The following CLEC18C variants were observed in gnomAD, a reference collection of about 807,000 sequenced individuals.
The protein encoded by CLEC18C is mannose receptor-like 3.
Under a neutral mutation model 27.2 loss-of-function variants are expected in CLEC18C, and 2 were observed. The observed-to-expected ratio is 0.07, with a 90% CI of 0.03 to 0.23. The LOEUF (loss-of-function observed/expected upper bound fraction) is 0.23, where lower values mean the gene tolerates loss of function less well. Among genes scored for constraint, CLEC18C ranks in the 10% least tolerant of loss-of-function variants. The probability of loss-of-function intolerance (pLI) is 1.00; values close to 1 mark genes in which losing one functional copy is unlikely to be tolerated. For missense variants in CLEC18C, 31 were observed against 269.0 expected (o/e 0.12, Z 6.19); for synonymous variants, 13 against 112.8 (o/e 0.12, Z 5.61).
Position 70,173,935 on chromosome 16 carries a change from G to A in CLEC18C, c.-123G>A, listed in dbSNP as rs2549601. ...ACTAATCTGCAGCACTGGAATGTCC[G>A]CAGGCCAATCAGCGGGGTCTCTGGG... On this transcript the variant is annotated 5_prime_UTR_variant, in exon 1 of 13. Coordinates refer to ENST00000541793, the MANE Select transcript of CLEC18C (RefSeq NM_173619.4). 1.2e-4 allele frequency: 39 copies of A among 319,532 alleles called. No individual in the cohort carries two copies. The highest frequency in any genetic ancestry group is 7.3e-4 in the African/African-American group (29 of 39,732). 19.8% of individuals were successfully genotyped at this position (319,532 alleles called of 1,614,324 possible).
At chr16:70,180,014 G>A (rs1278111944) in intron 4 of CLEC18C, among the ~76,000 whole-genome samples, 7 of 115,980 alleles carry the variant, frequency 6.0e-5, no homozygotes, top group South Asian at 5.1e-4. Flanking sequence ...CCCTTTAAAC[G>A]ATTTCAGCTG....
In CLEC18C at chr16:70,177,677, C is replaced by A. The variant is rs1319832288; in HGVS notation, c.456+197C>A. 4.4e-5 allele frequency among the ~76,000 whole-genome samples: 5 copies of A among 112,478 alleles called. 1 individual carries two copies. Among genetic ancestry groups the A allele is most frequent in the African/African-American group, 1.7e-4 (5 of 29,386 alleles). The allele number at this position is 112,478 out of a possible 152,430, so 73.8% of individuals were successfully genotyped here. A position where few individuals can be genotyped will look rare whatever the true frequency, so the allele number is the denominator to read the frequency against. On this transcript the variant is annotated intron_variant, in intron 4 of 12. Transcript: ENST00000541793. ...AGAGTGCAGTGGCGTGATCTCGGCT[C>A]ACTGCAACCTCCGCCTCCTGGACTC... is the stretch of plus-strand genomic sequence containing the variant.
intron 4 of CLEC18C, among the ~76,000 whole-genome samples, chr16:70,179,048 C>T (rs1163882557): frequency 1.1e-5 from 1 of 93,132 alleles, no homozygotes; most frequent in African/African-American, 5.6e-5. Context: ...ACTTGGGAGG[C>T]TGAGGTAGGA....
intron 2 of CLEC18C, 134 bp from the exon 3 acceptor site, chr16:70,174,813 C>T: frequency 2.2e-6 from 1 of 444,540 alleles, no homozygotes; most frequent in Non-Finnish European, 4.3e-6. Flanking sequence ...CATTGCTATG[C>T]CCCACGTCCC....
chr16:70,179,554 G>GC (rs1465791584), intron 4 of CLEC18C, among the ~76,000 whole-genome samples: 1 of 147,754 alleles, frequency 6.8e-6, no homozygotes, highest in African/African-American at 2.5e-5. Context: ...GAGCCACTGT[G>GC]CCCAGCCTTG....
rs752952890 is a variant in CLEC18C at position 70,185,951 on chromosome 16, C to G, written c.1278C>G (p.Thr426=). ...ACTGGAACAACCAGCGCTGCAAAAC[C>G]CGAAACCGTTACATCTGCCAGTTTG... is the stretch of plus-strand genomic sequence containing the variant. ...AFNWNNQRCK[T]RNRYICQFAQ... is the part of the protein sequence containing the mutation. The change falls in exon 12 of 13, where the codon ACC becomes ACG. Residue 426 remains threonine (T), a synonymous_variant. Transcript: ENST00000541793. 14 of 1,594,946 alleles carry G rather than the reference C, an allele frequency of 8.8e-6. No individual in the cohort carries two copies. The highest frequency in any genetic ancestry group is 1.2e-5 in the Non-Finnish European group (14 of 1,178,254).
intron 3 of CLEC18C, among the ~76,000 whole-genome samples, chr16:70,176,499 A>G (rs1306298102): frequency 1.3e-5 from 2 of 150,578 alleles, no homozygotes; most frequent in African/African-American, 5.0e-5. Context: ...AGGCTGACAC[A>G]AGCAGATCAC....
At chr16:70,177,556 A>G in intron 4 of CLEC18C, 76 bp downstream of exon 4, 1 of 1,318,484 alleles carries the variant, frequency 7.6e-7, no homozygotes, top group South Asian at 1.2e-5. Context: ...AGAAGAGGCT[A>G]CAGTTTGTCC....
chr16:70,176,958 G>A (rs1464295940), intron 3 of CLEC18C, among the ~76,000 whole-genome samples: 5 of 114,844 alleles, frequency 4.4e-5, no homozygotes, highest in African/African-American at 1.9e-4. Context: ...ATGACCAGAT[G>A]GGAGAAAGAC....
intron 3 of CLEC18C, among the ~76,000 whole-genome samples, chr16:70,176,455 C>T (rs1464307880): frequency 4.0e-5 from 6 of 148,466 alleles, no homozygotes; most frequent in African/African-American, 1.3e-4. Context: ...GGGCTGGGCA[C>T]GGTGGCTCAC....
chr16:70,174,172 G>A lies in CLEC18C; in HGVS notation c.-106-1G>A, dbSNP rs1290326224. 1 of 1,061,424 alleles carries A rather than the reference G, an allele frequency of 9.4e-7. No homozygotes were observed. The highest frequency in any genetic ancestry group is 1.3e-6 in the Non-Finnish European group (1 of 768,190). The allele number at this position is 1,061,424 out of a possible 1,614,324, so 65.8% of individuals were successfully genotyped here. A position where few individuals can be genotyped will look rare whatever the true frequency, so the allele number is the denominator to read the frequency against. On this transcript the variant is annotated splice_acceptor_variant, in intron 1 of 12. Coordinates refer to ENST00000541793, the MANE Select transcript of CLEC18C (RefSeq NM_173619.4). LOFTEE classifies it low-confidence loss of function (5UTR_SPLICE). ...ACCAGCCTCCCTCTTTTGTCCACCA[G>A]CCCAGCCTGACTCCTGGAGATTGTG...
chr16:70,186,097 A>G lies in CLEC18C; in HGVS notation c.1303+121A>G, dbSNP rs1033382136. 2.6e-6 allele frequency: 3 copies of G among 1,165,256 alleles called. No individual in the cohort carries two copies. In the African/African-American group the frequency reaches 6.0e-5, roughly 23 times the overall value. The allele number at this position is 1,165,256 out of a possible 1,614,324, so 72.2% of individuals were successfully genotyped here. On this transcript the variant is annotated intron_variant, in intron 12 of 12. Coordinates refer to ENST00000541793, the MANE Select transcript of CLEC18C (RefSeq NM_173619.4). ...AGAGTGGGTCTGGGCACACGGGGCC[A>G]TAGAGGATGCCCTGTTGATGGCCTT...
Position 70,174,362 on chromosome 16 carries a change from G to C in CLEC18C, c.84G>C (p.Val28=). 1 of 1,440,538 alleles carries C rather than the reference G, an allele frequency of 6.9e-7. No individual in the cohort carries two copies. The highest frequency in any genetic ancestry group is 2.4e-5 in the East Asian group (1 of 42,092). 89.2% of individuals were successfully genotyped at this position (1,440,538 alleles called of 1,614,324 possible). A position where few individuals can be genotyped will look rare whatever the true frequency, so the allele number is the denominator to read the frequency against. Reference sequence around the variant, plus strand: ...TCCTTGGCACCGCCTGGGCAGAGGTGTGGCCACCCCAGCTGCAGGAGCAGG... The same window carrying C: ...TCCTTGGCACCGCCTGGGCAGAGGTCTGGCCACCCCAGCTGCAGGAGCAGG... ...LALLGTAWAE[V]WPPQLQEQAP... The change falls in exon 2 of 13, where the codon GTG becomes GTC. Residue 28 remains valine (V), a synonymous_variant. Transcript: ENST00000541793.
Position 70,186,737 on chromosome 16 carries a change from T to C in CLEC18C, c.*217T>C. The C allele has an allele frequency of 2.5e-6, 1 of 395,938 alleles. No homozygotes were observed. The highest frequency in any genetic ancestry group is 4.4e-6 in the Non-Finnish European group (1 of 228,548). 24.5% of individuals were successfully genotyped at this position (395,938 alleles called of 1,614,324 possible). ...GAAGAAGCTGGGGCCCTTCGCCTGCTTTTGATTGGGAAGATGGGCTTCAAT... is the reference window on the plus strand; with the variant it reads ...GAAGAAGCTGGGGCCCTTCGCCTGCCTTTGATTGGGAAGATGGGCTTCAAT... On this transcript the variant is annotated 3_prime_UTR_variant, in exon 13 of 13. Coordinates refer to ENST00000541793, the MANE Select transcript of CLEC18C (RefSeq NM_173619.4).
chr16:70,178,640 C>A, intron 4 of CLEC18C, among the ~76,000 whole-genome samples: 1 of 137,704 alleles, frequency 7.3e-6, no homozygotes, highest in Admixed American at 7.6e-5. Flanking sequence ...CTGCTCCTCC[C>A]CTTTTCCCGC....
intron 3 of CLEC18C, among the ~76,000 whole-genome samples, chr16:70,175,744 A>T: frequency 1.1e-5 from 1 of 93,486 alleles, no homozygotes; most frequent in Non-Finnish European, 2.0e-5. Context: ...CTTCCCATGA[A>T]CTCCTCCAAG....
rs749373792 is a variant in CLEC18C at position 70,185,980 on chromosome 16, AG to A, written c.1303+7del. The A allele has an allele frequency of 3.1e-6, 5 of 1,594,138 alleles. No homozygotes were observed. Among genetic ancestry groups the A allele is most frequent in the Admixed American group, 1.7e-5 (1 of 59,226 alleles). On this transcript the variant is annotated splice_donor_5th_base_variant and intron_variant, in intron 12 of 12. Coordinates refer to ENST00000541793, the MANE Select transcript of CLEC18C (RefSeq NM_173619.4). ...AACCGTTACATCTGCCAGTTTGGTG[AG>A]GGACTTCCTGAGGCTCCCCTTCTCT...
intron 4 of CLEC18C, among the ~76,000 whole-genome samples, chr16:70,179,285 A>T (rs1597408142): frequency 7.5e-6 from 1 of 133,814 alleles, no homozygotes; most frequent in Middle Eastern, 3.5e-3. Context: ...TTTGAGACGG[A>T]GTCTTGCTCT....
chr16:70,186,012 C>G, intron 12 of CLEC18C, 36 bp downstream of exon 12: 1 of 1,430,970 alleles, frequency 7.0e-7, no homozygotes, highest in Non-Finnish European at 9.7e-7. Flanking sequence ...TCTCTGATCT[C>G]TGACCCTGGG....
Sources: allele counts gnomAD v4.1 joint callset (sites outside exome capture counted in the v4.1 genomes callset), GRCh38; gene constraint gnomAD v4.1.1; transcripts MANE v1.5; gene names NCBI Gene and HGNC (gene_info 2026-07-23, HGNC 2026-07-21).